WWOX: variants seen among roughly 807,000 people sequenced by gnomAD.
The protein encoded by WWOX is WW domain-containing oxidoreductase.
WWOX carries 69 observed loss-of-function variants against 46.2 expected under a neutral mutation model. The ratio of observed to expected loss-of-function variants is 1.49; its 90% CI spans 1.23 to 1.82. The LOEUF is 1.82. Ranked by LOEUF, WWOX falls within the 40% of genes most tolerant of loss-of-function variation. The probability of loss-of-function intolerance (pLI) is 0.00; values close to 1 mark genes in which losing one functional copy is unlikely to be tolerated. For missense variants in WWOX, 919 were observed against 542.6 expected (o/e 1.69, Z -6.89); for synonymous variants, 359 against 202.6 (o/e 1.77, Z -6.56).
At chr16:79,083,319 A>G (rs972606488) in intron 8 of WWOX, among the ~76,000 whole-genome samples, 6 of 152,068 alleles carry the variant, frequency 3.9e-5, no homozygotes, top group Admixed American at 1.3e-4. Flanking sequence ...GTTCACCCTG[A>G]CCCCTTCCTA....
intron 8 of WWOX, among the ~76,000 whole-genome samples, chr16:78,999,773 C>G (rs1256526737): frequency 1.3e-5 from 2 of 152,130 alleles, no homozygotes; most frequent in Non-Finnish European, 2.9e-5. Flanking sequence ...GTTCACTATT[C>G]AGATGATGGA....
intron 8 of WWOX, among the ~76,000 whole-genome samples, chr16:78,874,589 A>G (rs370070647): frequency 4.6e-5 from 7 of 151,384 alleles, no homozygotes; most frequent in African/African-American, 1.7e-4. Flanking sequence ...TCCACTACAG[A>G]TTCTGATGGC....
chr16:78,648,587 T>G (rs376122455), intron 8 of WWOX, among the ~76,000 whole-genome samples: 1 of 152,160 alleles, frequency 6.6e-6, no homozygotes, highest in East Asian at 1.9e-4. Context: ...TTGCTAAATT[T>G]TGTCCCCACT....
At chr16:78,830,826 A>G (rs749440398) in intron 8 of WWOX, among the ~76,000 whole-genome samples, 10 of 151,502 alleles carry the variant, frequency 6.6e-5, no homozygotes, top group Non-Finnish European at 1.5e-4. Flanking sequence ...GTAAATGACT[A>G]TTTCTGTCGT....
intron 5 of WWOX, among the ~76,000 whole-genome samples, chr16:78,287,572 A>C (rs1472638566): frequency 6.6e-6 from 1 of 151,994 alleles, no homozygotes; most frequent in Non-Finnish European, 1.5e-5. Flanking sequence ...TTTCCTTTTA[A>C]ATTTTTTCTT....
chr16:78,820,872 T>A (rs1252282307), intron 8 of WWOX, among the ~76,000 whole-genome samples: 1 of 152,132 alleles, frequency 6.6e-6, no homozygotes, highest in African/African-American at 2.4e-5. Flanking sequence ...ATTCTTGATG[T>A]CCCTTGGCTT....
chr16:78,591,802 T>G (rs1442775622), intron 8 of WWOX, among the ~76,000 whole-genome samples: 1 of 152,190 alleles, frequency 6.6e-6, no homozygotes, highest in Non-Finnish European at 1.5e-5. Context: ...TCTAGTGCAG[T>G]GGTAGCTGGT....
intron 8 of WWOX, among the ~76,000 whole-genome samples, chr16:78,945,264 T>C (rs1567666679): frequency 2.0e-5 from 3 of 152,214 alleles, no homozygotes; most frequent in Non-Finnish European, 2.9e-5. Context: ...CACCAGTTCT[T>C]CTTTCAGTTT....
chr16:78,914,842 G>T (rs1220236715), intron 8 of WWOX, among the ~76,000 whole-genome samples: 2 of 139,980 alleles, frequency 1.4e-5, no homozygotes, highest in South Asian at 4.6e-4. Flanking sequence ...TCGCGCCACT[G>T]CACTCCCGCC....
At chr16:78,663,390 C>T (rs2047261268) in intron 8 of WWOX, among the ~76,000 whole-genome samples, 2 of 152,092 alleles carry the variant, frequency 1.3e-5, no homozygotes, top group African/African-American at 4.8e-5. Flanking sequence ...ATATTCTATT[C>T]TATCAATATA....
intron 8 of WWOX, among the ~76,000 whole-genome samples, chr16:78,741,524 C>A (rs1329688091): frequency 6.6e-6 from 1 of 151,920 alleles, no homozygotes; most frequent in Non-Finnish European, 1.5e-5. Context: ...CACCACTGCA[C>A]CCCAGCCTGG....
intron 8 of WWOX, among the ~76,000 whole-genome samples, chr16:78,761,518 C>G (rs532116969): frequency 6.6e-6 from 1 of 152,300 alleles, no homozygotes; most frequent in East Asian, 1.9e-4. Flanking sequence ...TTTTCTTTCT[C>G]TGCTCATCTA....
intron 1 of WWOX, chr16:78,100,279 G>T (rs922718135): frequency 7.7e-5 from 83 of 1,071,470 alleles, no homozygotes; most frequent in Non-Finnish European, 2.4e-5. Flanking sequence ...GTCCAGACCG[G>T]TATTGCTCAG....
intron 8 of WWOX, among the ~76,000 whole-genome samples, chr16:78,658,173 C>G (rs1481775559): frequency 6.6e-6 from 1 of 152,132 alleles, no homozygotes; most frequent in Non-Finnish European, 1.5e-5. Flanking sequence ...TAGATACTGC[C>G]AGATACCCCT....
At chr16:79,033,656 C>T (rs1428647182) in intron 8 of WWOX, among the ~76,000 whole-genome samples, 1 of 152,060 alleles carries the variant, frequency 6.6e-6, no homozygotes, top group Non-Finnish European at 1.5e-5. Flanking sequence ...CCATCCATCT[C>T]CAGAATGATT....
intron 8 of WWOX, among the ~76,000 whole-genome samples, chr16:78,877,121 T>A (rs2044249408): frequency 1.3e-5 from 2 of 152,198 alleles, no homozygotes; most frequent in Non-Finnish European, 2.9e-5. Flanking sequence ...TTTTGTATTT[T>A]GACAATTCCT....
intron 6 of WWOX, among the ~76,000 whole-genome samples, chr16:78,423,276 AATTTT>A (rs953752826): frequency 4.6e-5 from 7 of 152,138 alleles, no homozygotes; most frequent in African/African-American, 1.7e-4. Context: ...AAATACATTA[AATTTT>A]ATTTTATAAC....
At chr16:78,467,453 CTG>C (rs1178698428) in intron 8 of WWOX, among the ~76,000 whole-genome samples, 13 of 152,242 alleles carry the variant, frequency 8.5e-5, no homozygotes, top group East Asian at 7.7e-4. Flanking sequence ...AAATTAAAGA[CTG>C]TAGACTAAGG....
intron 8 of WWOX, among the ~76,000 whole-genome samples, chr16:78,474,654 A>G (rs1187338477): frequency 6.6e-6 from 1 of 152,210 alleles, no homozygotes; most frequent in African/African-American, 2.4e-5. Context: ...GTCTATTCAG[A>G]GTTGTGCAAC....
Sources: allele counts gnomAD v4.1 joint callset (sites outside exome capture counted in the v4.1 genomes callset), GRCh38; gene constraint gnomAD v4.1.1; transcripts MANE v1.5; gene names NCBI Gene and HGNC (gene_info 2026-07-23, HGNC 2026-07-21).